Variants in CELF2 observed in about 807,000 individuals in gnomAD.
CELF2 encodes CUG triplet repeat RNA-binding protein 2.
In CELF2, 8 loss-of-function variants were observed where a neutral mutation model predicts 62.6. The ratio of observed to expected loss-of-function variants is 0.13; its 90% confidence interval spans 0.07 to 0.23. CELF2 has a LOEUF of 0.23. Among genes scored for constraint, CELF2 ranks in the 10% least tolerant of loss-of-function variants. The pLI is 1.00. For synonymous variants in CELF2, 258 were observed against 250.0 expected (o/e 1.03, Z -0.30); for missense variants, 333 against 671.0 (o/e 0.50, Z 5.56).
the CELF2 span, among the ~76,000 whole-genome samples, chr10:10,713,465 C>A: frequency 1.3e-5 from 2 of 152,194 alleles, no homozygotes; most frequent in African/African-American, 4.8e-5. Context: ...AAGTTACATG[C>A]TGCTGAGTAA....
chr10:10,509,564 T>C, the CELF2 span, among the ~76,000 whole-genome samples: 1 of 152,184 alleles, frequency 6.6e-6, no homozygotes, highest in Non-Finnish European at 1.5e-5. Flanking sequence ...TTTTTTATTG[T>C]CTGTAAGCCA....
At position 11,280,484 on chromosome 10, in the gene CELF2, C is replaced by T. The variant is rs985600628; in HGVS notation, c.841+5364C>T. ...GCGATGTCCACGTTCCGGGTGATGG[C>T]GCTGTGGCTGTGGATCCATCTGTGG... On this transcript the variant is annotated intron_variant, in intron 8 of 12. Coordinates refer to ENST00000633077, the MANE Select transcript of CELF2 (RefSeq NM_001326342.2). This position sits in a 1 kb window ranked among gnomAD's most constrained non-coding sequence, Gnocchi z 7.6. 3.3e-5 allele frequency among the ~76,000 whole-genome samples: 5 copies of T among 152,202 alleles called. No homozygotes were observed. The highest frequency in any genetic ancestry group is 6.6e-5 in the Admixed American group (1 of 15,256).
chr10:10,720,007 C>T, the CELF2 span, among the ~76,000 whole-genome samples: 71 of 152,282 alleles, frequency 4.7e-4, no homozygotes, highest in Non-Finnish European at 9.6e-4. Flanking sequence ...ATCATTTCCT[C>T]CTATCTAATT....
chr10:10,880,381 C>T (rs1045092277), intron 1 of CELF2, among the ~76,000 whole-genome samples: 8 of 152,056 alleles, frequency 5.3e-5, no homozygotes, highest in Admixed American at 2.0e-4. Flanking sequence ...ATTTGGAGGC[C>T]TGAATATTCT....
At chr10:10,596,272 T>C in the CELF2 span, among the ~76,000 whole-genome samples, 1 of 145,194 alleles carries the variant, frequency 6.9e-6, no homozygotes, top group Non-Finnish European at 1.5e-5. Flanking sequence ...AAAAAAAAAA[T>C]AGCATAGCAA....
In CELF2 at chr10:10,955,512, G is replaced by A. The variant is rs550818367; in HGVS notation, c.89+35513G>A. On this transcript the variant is annotated intron_variant, in intron 2 of 13. Coordinates refer to the CELF2 transcript ENST00000636488. ...TTCAGAACCACTGCTACACAATGAAGCCATAATAGCACACATTCTCGACGT... is the reference window on the plus strand; with the variant it reads ...TTCAGAACCACTGCTACACAATGAAACCATAATAGCACACATTCTCGACGT... Among the ~76,000 whole-genome samples, 9 of 152,318 alleles carry A rather than the reference G, an allele frequency of 5.9e-5. No individual in the cohort carries two copies. The South Asian group carries it at 1.9e-3, about 32-fold the overall frequency.
chr10:10,741,492 C>CAAA, the CELF2 span, among the ~76,000 whole-genome samples: 77 of 57,144 alleles, frequency 1.3e-3, 1 homozygote, highest in East Asian at 3.7e-3. Context: ...GACTCCGTCT[C>CAAA]AAAAAAAAAA....
At position 11,305,405 on chromosome 10, in the gene CELF2, A is replaced by G. The variant is rs867411063; in HGVS notation, c.977-8734A>G. Reference sequence around the variant, plus strand: ...CATCCCTCACGGGTACACCGGGGCCAGTCCCTTCAACACTCTGGGCCTCTG... The same window carrying G: ...CATCCCTCACGGGTACACCGGGGCCGGTCCCTTCAACACTCTGGGCCTCTG... On this transcript the variant is annotated intron_variant, in intron 9 of 12. Coordinates refer to ENST00000633077, the MANE Select transcript of CELF2 (RefSeq NM_001326342.2). This position sits in a 1 kb window ranked among gnomAD's most constrained non-coding sequence, Gnocchi z 4.8. Among the ~76,000 whole-genome samples the G allele has an allele frequency of 2.6e-5, 4 of 152,218 alleles. No individual in the cohort carries two copies. The South Asian group carries it at 8.3e-4, about 32-fold the overall frequency.
At chr10:10,684,918 T>C in the CELF2 span, among the ~76,000 whole-genome samples, 8 of 152,136 alleles carry the variant, frequency 5.3e-5, no homozygotes, top group East Asian at 1.9e-4. Flanking sequence ...AGCTAGTTCA[T>C]TGAGCCTTTA....
the CELF2 span, among the ~76,000 whole-genome samples, chr10:10,556,814 G>C: frequency 6.6e-6 from 1 of 151,426 alleles, no homozygotes; most frequent in Non-Finnish European, 1.5e-5. Context: ...TGTGTCTTTT[G>C]GCTGCATAAA....
intron 1 of CELF2, among the ~76,000 whole-genome samples, chr10:10,897,263 A>T (rs1006907001): frequency 2.0e-5 from 3 of 152,194 alleles, no homozygotes; most frequent in East Asian, 3.8e-4. Context: ...CAAAAGAAAT[A>T]TGTTATCAGG....
At position 11,227,615 on chromosome 10, in the gene CELF2, G is replaced by C. The variant is rs2067071737; in HGVS notation, c.354+10108G>C. On this transcript the variant is annotated intron_variant, in intron 3 of 12. Transcript: ENST00000633077. This position sits in a 1 kb window ranked among gnomAD's most constrained non-coding sequence, Gnocchi z 4.8. ...TGGTTTTTGCTGTTATCTGCTGTTA[G>C]ATTCGGCCGGAATCTAAGGGATAGA... Among the ~76,000 whole-genome samples the C allele has an allele frequency of 6.6e-6, 1 of 152,228 alleles. No individual in the cohort carries two copies. Among genetic ancestry groups the C allele is most frequent in the South Asian group, 2.1e-4 (1 of 4,834 alleles).
rs553831640 is a variant in CELF2 at position 11,262,940 on chromosome 10, CTTTT to C, written c.539-3634_539-3631del. Among the ~76,000 whole-genome samples the C allele has an allele frequency of 2.5e-3, 132 of 52,746 alleles. 3 individuals are homozygous for C. Among genetic ancestry groups the C allele is most frequent in the African/African-American group, 7.1e-3 (103 of 14,448 alleles). 34.6% of individuals were successfully genotyped at this position (52,746 alleles called of 152,430 possible). A position where few individuals can be genotyped will look rare whatever the true frequency, so the allele number is the denominator to read the frequency against. On this transcript the variant is annotated intron_variant, in intron 5 of 12. Coordinates refer to ENST00000633077, the MANE Select transcript of CELF2 (RefSeq NM_001326342.2). ...GTTCATGCTTTTAAAAGTGGCTTTA[CTTTT>C]TTTTTTTTTTTTTTTTTTTTTTTGG...
intron 1 of CELF2, among the ~76,000 whole-genome samples, chr10:10,810,637 G>A (rs974089083): frequency 1.2e-4 from 18 of 152,162 alleles, no homozygotes; most frequent in Non-Finnish European, 2.9e-5. Flanking sequence ...ATGCAGGGGA[G>A]TGGAAGGGAA....
chr10:10,614,665 G>C, the CELF2 span, among the ~76,000 whole-genome samples: 3 of 152,144 alleles, frequency 2.0e-5, no homozygotes, highest in African/African-American at 7.2e-5. Flanking sequence ...TTGACAGGGA[G>C]AGAGATGGGC....
chr10:11,319,261 G>T lies in CELF2; in HGVS notation c.1097-1928G>T. The T allele has an allele frequency of 2.7e-6, 1 of 375,734 alleles. No homozygotes were observed. 23.3% of individuals were successfully genotyped at this position (375,734 alleles called of 1,614,324 possible). On this transcript the variant is annotated intron_variant, in intron 10 of 12. Coordinates refer to ENST00000633077, the MANE Select transcript of CELF2 (RefSeq NM_001326342.2). This position sits in a 1 kb window ranked among gnomAD's most constrained non-coding sequence, Gnocchi z 4.4. ...TTATCAGCAGCGTCCAGCCCTTCCC[G>T]AGTTATTGTACATACCCCTCTCACC...
chr10:10,807,362 C>T (rs2055340406), intron 1 of CELF2, among the ~76,000 whole-genome samples: 2 of 152,204 alleles, frequency 1.3e-5, no homozygotes, highest in Admixed American at 1.3e-4. Context: ...ACCTTCACTC[C>T]GTAAAGTCAA....
intron 2 of CELF2, among the ~76,000 whole-genome samples, chr10:11,210,806 G>A (rs2061605105): frequency 1.3e-5 from 2 of 152,136 alleles, no homozygotes; most frequent in African/African-American, 4.8e-5. Flanking sequence ...ACGAGCCAGT[G>A]TTTCAATAAT....
At chr10:10,467,054 C>G in the CELF2 span, among the ~76,000 whole-genome samples, 5 of 151,930 alleles carry the variant, frequency 3.3e-5, no homozygotes, top group African/African-American at 1.2e-4. Flanking sequence ...ATCCAAATTA[C>G]CAGTATACCA....
Sources: allele counts gnomAD v4.1 joint callset (sites outside exome capture counted in the v4.1 genomes callset), GRCh38; gene constraint gnomAD v4.1.1; non-coding constraint Gnocchi (gnomAD v3.1); transcripts MANE v1.5; gene names NCBI Gene and HGNC (gene_info 2026-07-23, HGNC 2026-07-21).